The following TMEM273 variants were observed in gnomAD, a reference collection of about 807,000 sequenced individuals.
The protein encoded by TMEM273 is chromosome 10 open reading frame 128.
A neutral mutation model predicts 17.9 loss-of-function variants in TMEM273; 19 were observed. The ratio of observed to expected loss-of-function variants is 1.06; its 90% CI spans 0.74 to 1.55. The LOEUF (loss-of-function observed/expected upper bound fraction) is 1.55, where lower values mean the gene tolerates loss of function less well. Among genes scored for constraint, TMEM273 ranks in the 40% most tolerant of loss-of-function variants. TMEM273 has a pLI of 0.00. For missense variants in TMEM273, 194 were observed against 155.6 expected, an observed-to-expected ratio of 1.25 and a Z score of -1.31; for synonymous variants, 66 against 62.0, an observed-to-expected ratio of 1.07 and a Z score of -0.31.
intron 1 of TMEM273, among the ~76,000 whole-genome samples, chr10:49,179,895 G>A (rs1377844350): frequency 1.3e-5 from 2 of 152,176 alleles, no homozygotes; most frequent in Non-Finnish European, 2.9e-5. Flanking sequence ...AAACAGCACA[G>A]AAAAAACTGT....
At chr10:49,183,928 T>C (rs772223954) in intron 1 of TMEM273, among the ~76,000 whole-genome samples, 1 of 113,100 alleles carries the variant, frequency 8.8e-6, no homozygotes, top group African/African-American at 3.3e-5. Context: ...TCTATCAAGA[T>C]TAGTCAGCTA....
intron 3 of TMEM273, 98 bp downstream of exon 3, chr10:49,166,771 C>G: frequency 1.3e-6 from 2 of 1,551,836 alleles, no homozygotes; most frequent in Middle Eastern, 3.4e-4. Flanking sequence ...TTGGGCTCTG[C>G]GCTTGTGGGT....
intron 1 of TMEM273, among the ~76,000 whole-genome samples, chr10:49,186,068 G>GAAGAAGAAGAAGAAGAAGAAGAA (rs1554850042): frequency 9.2e-4 from 62 of 67,182 alleles, no homozygotes; most frequent in African/African-American, 9.6e-4. Flanking sequence ...AAGAAGAAGA[G>GAAGAAGAAGAAGAAGAAGAAGAA]GAAGAAGAAG....
At chr10:49,187,286 T>G (rs184797446) in intron 1 of TMEM273, among the ~76,000 whole-genome samples, 193 of 152,296 alleles carry the variant, frequency 1.3e-3, no homozygotes, top group African/African-American at 4.3e-3. Context: ...TGGCTGGCTG[T>G]CTGTCTGACA....
At chr10:49,182,572 T>C (rs749870553) in intron 1 of TMEM273, among the ~76,000 whole-genome samples, 1 of 152,182 alleles carries the variant, frequency 6.6e-6, no homozygotes, top group Non-Finnish European at 1.5e-5. Context: ...AAAACTGAGA[T>C]AGATGGCCGA....
chr10:49,182,551 C>T (rs1847415735), intron 1 of TMEM273, among the ~76,000 whole-genome samples: 1 of 152,046 alleles, frequency 6.6e-6, no homozygotes, highest in African/African-American at 2.4e-5. Context: ...CAGATGCTTG[C>T]CAACAGAATT....
chr10:49,179,805 C>T (rs1847229423), intron 1 of TMEM273, among the ~76,000 whole-genome samples: 1 of 152,140 alleles, frequency 6.6e-6, no homozygotes, highest in Non-Finnish European at 1.5e-5. Context: ...CAAGAAAAGC[C>T]AGCTCCCACG....
intron 6 of TMEM273, chr10:49,156,264 G>C: frequency 7.4e-7 from 1 of 1,342,594 alleles, no homozygotes; most frequent in South Asian, 1.2e-5. Context: ...CAGATGCTAC[G>C]AGGAACAAGA....
chr10:49,169,939 G>A (rs1352778520), intron 1 of TMEM273, among the ~76,000 whole-genome samples: 1 of 152,232 alleles, frequency 6.6e-6, no homozygotes, highest in African/African-American at 2.4e-5. Flanking sequence ...GGAGGACAGG[G>A]GAGGGCAGGG....
At chr10:49,186,248 A>G (rs1432746269) in intron 1 of TMEM273, among the ~76,000 whole-genome samples, 1 of 152,176 alleles carries the variant, frequency 6.6e-6, no homozygotes, top group Non-Finnish European at 1.5e-5. Flanking sequence ...TTTCAACTAA[A>G]TATATTGGAT....
intron 6 of TMEM273, chr10:49,160,213 A>G (rs1344250296): frequency 1.3e-5 from 2 of 152,208 alleles, no homozygotes; most frequent in Non-Finnish European, 2.9e-5. Context: ...CACCCCTCGT[A>G]TTATTCATTT....
At chr10:49,179,353 G>C (rs115840977) in intron 1 of TMEM273, among the ~76,000 whole-genome samples, 3,284 of 152,272 alleles carry the variant, frequency 0.022, 46 homozygotes, top group African/African-American at 0.032. Context: ...GAGGATCAGA[G>C]ACTCCCCAGC....
chr10:49,188,264 G>C, intron 1 of TMEM273, 30 bp downstream of exon 1: 1 of 1,613,380 alleles, frequency 6.2e-7, no homozygotes, highest in Non-Finnish European at 8.5e-7. Context: ...AGGCTCCCCC[G>C]GGCCAGAGAC....
At chr10:49,167,784 G>T in intron 2 of TMEM273, 125 bp downstream of exon 2, 1 of 1,221,356 alleles carries the variant, frequency 8.2e-7, no homozygotes, top group Non-Finnish European at 1.2e-6. Context: ...GGAGGTGAGG[G>T]TGCCCCTTTT....
chr10:49,166,058 C>T (rs1259738380), intron 3 of TMEM273, among the ~76,000 whole-genome samples: 2 of 152,214 alleles, frequency 1.3e-5, no homozygotes, highest in East Asian at 1.9e-4. Context: ...ATCTCGGAAG[C>T]CTCCTCCTCT....
intron 1 of TMEM273, among the ~76,000 whole-genome samples, chr10:49,182,721 A>C (rs555404855): frequency 1.1e-4 from 17 of 152,312 alleles, no homozygotes; most frequent in African/African-American, 3.8e-4. Context: ...ATTTTAGCAA[A>C]ATTTAAAAAT....
At chr10:49,171,561 C>T (rs1383584814) in intron 1 of TMEM273, among the ~76,000 whole-genome samples, 3 of 152,230 alleles carry the variant, frequency 2.0e-5, no homozygotes, top group Non-Finnish European at 4.4e-5. Context: ...GTACTCTGTG[C>T]CTCCCTGACA....
chr10:49,158,651 C>T (rs561700227), intron 6 of TMEM273, among the ~76,000 whole-genome samples: 14 of 152,250 alleles, frequency 9.2e-5, no homozygotes, highest in African/African-American at 2.9e-4. Context: ...CATGAATAAC[C>T]GCAAATACCA....
intron 1 of TMEM273, among the ~76,000 whole-genome samples, chr10:49,169,769 G>A (rs1370619515): frequency 6.6e-6 from 1 of 152,274 alleles, no homozygotes; most frequent in East Asian, 1.9e-4. Context: ...TCCGGACATG[G>A]GGCAAAGGCT....
Sources: allele counts gnomAD v4.1 joint callset (sites outside exome capture counted in the v4.1 genomes callset), GRCh38; gene constraint gnomAD v4.1.1; transcripts MANE v1.5; gene names NCBI Gene and HGNC (gene_info 2026-07-23, HGNC 2026-07-21).